UMAD1: variants seen among roughly 807,000 people sequenced by gnomAD.
UMAD1 encodes the protein UBAP1-MVB12-associated (UMA) domain containing 1, also known as UBAP1-MVB12-associated (UMA)-domain containing protein 1.
Under a neutral mutation model 6.1 loss-of-function variants are expected in UMAD1, and 8 were observed. That is an observed-to-expected ratio of 1.30 (90% CI 0.76 to 2.35). The LOEUF (loss-of-function observed/expected upper bound fraction) is 2.35. Ranked by LOEUF, UMAD1 falls within the 30% of genes most tolerant of loss-of-function variation. The probability of loss-of-function intolerance (pLI) is 0.00; values close to 1 mark genes in which losing one functional copy is unlikely to be tolerated. For missense variants in UMAD1, 130 were observed against 78.4 expected, an observed-to-expected ratio of 1.66 and a Z score of -2.49; for synonymous variants, 56 against 31.4, an observed-to-expected ratio of 1.78 and a Z score of -2.61.
chr7:7,728,014 T>A (rs1781173973), intron 2 of UMAD1, among the ~76,000 whole-genome samples: 2 of 152,190 alleles, frequency 1.3e-5, no homozygotes, highest in Non-Finnish European at 2.9e-5. Flanking sequence ...TAGAGAACCC[T>A]GACTAATACA....
intron 3 of UMAD1, among the ~76,000 whole-genome samples, chr7:7,832,265 C>G (rs573304008): frequency 1.3e-5 from 2 of 152,310 alleles, no homozygotes; most frequent in South Asian, 4.1e-4. Flanking sequence ...TTTTCTTAAT[C>G]TTGACATTCA....
chr7:7,823,261 C>T (rs917105092), intron 3 of UMAD1, among the ~76,000 whole-genome samples: 1 of 152,106 alleles, frequency 6.6e-6, no homozygotes. Context: ...ATTAATTCAG[C>T]CAACTTTTTT....
intron 3 of UMAD1, among the ~76,000 whole-genome samples, chr7:7,852,450 G>T (rs1783935935): frequency 6.6e-6 from 1 of 152,120 alleles, no homozygotes; most frequent in Non-Finnish European, 1.5e-5. Flanking sequence ...TCAGACAACA[G>T]TCACAAGTCC....
At chr7:7,816,402 T>C (rs957763009) in intron 3 of UMAD1, among the ~76,000 whole-genome samples, 4 of 152,240 alleles carry the variant, frequency 2.6e-5, no homozygotes, top group Non-Finnish European at 5.9e-5. Flanking sequence ...TGTGCAGAAC[T>C]AAACTGAGTG....
chr7:7,667,199 A>G (rs1426508787), intron 1 of UMAD1, among the ~76,000 whole-genome samples: 8 of 152,208 alleles, frequency 5.3e-5, no homozygotes, highest in African/African-American at 7.2e-5. Context: ...TCTAGCTCAG[A>G]TAGGTAAGTT....
chr7:7,743,439 A>T lies in UMAD1; in HGVS notation c.83-58231A>T, dbSNP rs530986285. On this transcript the variant is annotated intron_variant, in intron 2 of 3. Coordinates refer to ENST00000682710, the MANE Select transcript of UMAD1 (RefSeq NM_001302348.2). Reference sequence around the variant, plus strand: ...ACTACAGATACAAAATTTATAAATTATAACATTGAAAACAGAATGTTCAGT... The same window carrying T: ...ACTACAGATACAAAATTTATAAATTTTAACATTGAAAACAGAATGTTCAGT... Among the ~76,000 whole-genome samples, 4 of 152,292 alleles carry T rather than the reference A, an allele frequency of 2.6e-5. 1 individual carries two copies. The highest frequency in any genetic ancestry group is 9.6e-5 in the African/African-American group (4 of 41,590).
At chr7:7,685,728 C>G (rs1479446831) in intron 2 of UMAD1, 1 of 152,134 alleles carries the variant, frequency 6.6e-6, no homozygotes, top group Admixed American at 6.5e-5. Context: ...CCTTTCCGTA[C>G]TATTCTAAAG....
At chr7:7,785,433 A>C (rs1413075012) in intron 2 of UMAD1, among the ~76,000 whole-genome samples, 1 of 152,152 alleles carries the variant, frequency 6.6e-6, no homozygotes, top group Non-Finnish European at 1.5e-5. Context: ...GAAGGGATGA[A>C]AAGGGATGAG....
intron 1 of UMAD1, among the ~76,000 whole-genome samples, chr7:7,652,148 G>C (rs971255277): frequency 5.9e-5 from 9 of 152,150 alleles, no homozygotes; most frequent in African/African-American, 2.2e-4. Context: ...TCAGGCAGTG[G>C]GGATGGACAA....
chr7:7,705,254 T>G (rs545634463), intron 2 of UMAD1, among the ~76,000 whole-genome samples: 21 of 152,334 alleles, frequency 1.4e-4, no homozygotes, highest in African/African-American at 4.8e-4. Flanking sequence ...GTTGATGCAC[T>G]GTGATTTAGT....
At chr7:7,689,993 G>T (rs1780136601) in intron 2 of UMAD1, among the ~76,000 whole-genome samples, 1 of 152,124 alleles carries the variant, frequency 6.6e-6, no homozygotes, top group Non-Finnish European at 1.5e-5. Flanking sequence ...TAAGAAATTG[G>T]TTGAGGGTTT....
intron 3 of UMAD1, among the ~76,000 whole-genome samples, chr7:7,823,571 T>A (rs1783283936): frequency 6.6e-6 from 1 of 152,130 alleles, no homozygotes; most frequent in Admixed American, 6.6e-5. Flanking sequence ...TTTGTCCACA[T>A]GTCTTTTGGG....
chr7:7,726,455 A>G (rs1781139204), intron 2 of UMAD1, among the ~76,000 whole-genome samples: 1 of 152,234 alleles, frequency 6.6e-6, no homozygotes, highest in Non-Finnish European at 1.5e-5. Flanking sequence ...CATAATTACA[A>G]CGCCAATTAG....
At chr7:7,671,834 C>T (rs1779613091) in intron 1 of UMAD1, among the ~76,000 whole-genome samples, 1 of 152,138 alleles carries the variant, frequency 6.6e-6, no homozygotes, top group Non-Finnish European at 1.5e-5. Flanking sequence ...TTACTATATC[C>T]AGTAAGCACT....
chr7:7,707,204 C>T (rs943466389), intron 2 of UMAD1, among the ~76,000 whole-genome samples: 8 of 152,154 alleles, frequency 5.3e-5, no homozygotes, highest in Admixed American at 6.6e-5. Flanking sequence ...GAATACTGGT[C>T]TGTACAGCAA....
At chr7:7,734,511 C>T (rs1173173086) in intron 2 of UMAD1, among the ~76,000 whole-genome samples, 1 of 152,232 alleles carries the variant, frequency 6.6e-6, no homozygotes, top group South Asian at 2.1e-4. Flanking sequence ...AGCTAAACCT[C>T]TCTCCCTATT....
At chr7:7,691,814 G>A (rs1464489488) in intron 2 of UMAD1, among the ~76,000 whole-genome samples, 1 of 152,158 alleles carries the variant, frequency 6.6e-6, no homozygotes, top group African/African-American at 2.4e-5. Flanking sequence ...TTTCTCAGGA[G>A]GGAAAAAGGT....
chr7:7,847,542 G>A (rs968063884), intron 3 of UMAD1, among the ~76,000 whole-genome samples: 1 of 151,940 alleles, frequency 6.6e-6, no homozygotes, highest in Non-Finnish European at 1.5e-5. Context: ...GTCAAAATGA[G>A]TTGTCTTTTT....
intron 2 of UMAD1, among the ~76,000 whole-genome samples, chr7:7,698,964 C>T: frequency 6.6e-6 from 1 of 150,864 alleles, no homozygotes; most frequent in Non-Finnish European, 1.5e-5. Flanking sequence ...CAGTGATTCT[C>T]CCACTTCAGC....
Sources: allele counts gnomAD v4.1 joint callset (sites outside exome capture counted in the v4.1 genomes callset), GRCh38; gene constraint gnomAD v4.1.1; transcripts MANE v1.5; gene names NCBI Gene and HGNC (gene_info 2026-07-23, HGNC 2026-07-21).